Variants in SEMA3E observed in about 807,000 individuals in gnomAD.
SEMA3E encodes semaphorin 3E, also known as semaphorin-3E.
A neutral mutation model predicts 93.6 loss-of-function variants in SEMA3E; 49 were observed. The ratio of observed to expected loss-of-function variants is 0.52; its 90% CI spans 0.42 to 0.66. The LOEUF (loss-of-function observed/expected upper bound fraction) is 0.66, where lower values mean the gene tolerates loss of function less well. SEMA3E is among the 30% of genes least tolerant of loss of function. SEMA3E has a pLI of 0.00. For synonymous variants in SEMA3E, 363 were observed against 330.7 expected (o/e 1.10, Z -1.06); for missense variants, 906 against 964.8 (o/e 0.94, Z 0.81).
intron 1 of SEMA3E, among the ~76,000 whole-genome samples, chr7:83,585,362 GA>G (rs2115925273): frequency 6.6e-6 from 1 of 152,300 alleles, no homozygotes; most frequent in Non-Finnish European, 1.5e-5. Context: ...TACGTTCCAT[GA>G]AGAAGGGCCA....
At chr7:83,395,439 T>A (rs1019323897) in intron 12 of SEMA3E, among the ~76,000 whole-genome samples, 6 of 152,158 alleles carry the variant, frequency 3.9e-5, no homozygotes, top group Non-Finnish European at 8.8e-5. Context: ...ATTTGCAAAT[T>A]AGCCTACTTG....
intron 4 of SEMA3E, among the ~76,000 whole-genome samples, chr7:83,428,834 C>T (rs78097123): frequency 2.6e-4 from 40 of 152,206 alleles, no homozygotes; most frequent in Admixed American, 5.9e-4. Flanking sequence ...TTCATCCTCA[C>T]GGTAAACCTG....
intron 1 of SEMA3E, among the ~76,000 whole-genome samples, chr7:83,614,398 G>T (rs1397435355): frequency 6.6e-6 from 1 of 152,072 alleles, no homozygotes; most frequent in African/African-American, 2.4e-5. Flanking sequence ...AGAGAAAGTT[G>T]GCATGGCACA....
intron 4 of SEMA3E, among the ~76,000 whole-genome samples, chr7:83,464,145 C>T (rs376403150): frequency 1.4e-4 from 21 of 151,866 alleles, no homozygotes; most frequent in South Asian, 6.2e-4. Context: ...ATATCCCTTA[C>T]GGTCCTCCGT....
At chr7:83,591,413 A>G (rs1792755495) in intron 1 of SEMA3E, among the ~76,000 whole-genome samples, 1 of 151,766 alleles carries the variant, frequency 6.6e-6, no homozygotes, top group South Asian at 2.1e-4. Context: ...AAGTTTGAAT[A>G]AAAGGTAACA....
At chr7:83,566,769 C>A (rs1262951902) in intron 1 of SEMA3E, among the ~76,000 whole-genome samples, 1 of 152,052 alleles carries the variant, frequency 6.6e-6, no homozygotes, top group Non-Finnish European at 1.5e-5. Flanking sequence ...AAACCCACTG[C>A]CAGAGCAAAC....
At chr7:83,568,455 C>T (rs1004511652) in intron 1 of SEMA3E, among the ~76,000 whole-genome samples, 3 of 152,030 alleles carry the variant, frequency 2.0e-5, no homozygotes, top group African/African-American at 4.8e-5. Flanking sequence ...TCCTGATGAA[C>T]GTAGATACAA....
chr7:83,540,647 G>C (rs1357687938), intron 1 of SEMA3E, among the ~76,000 whole-genome samples: 1 of 152,118 alleles, frequency 6.6e-6, no homozygotes, highest in South Asian at 2.1e-4. Context: ...TTGATCCACA[G>C]ACTGTTTTCA....
chr7:83,578,906 G>A (rs1792462533), intron 1 of SEMA3E, among the ~76,000 whole-genome samples: 1 of 151,974 alleles, frequency 6.6e-6, no homozygotes, highest in Non-Finnish European at 1.5e-5. Context: ...AGCTTTGCAA[G>A]TCTTTGAATA....
chr7:83,604,072 A>C (rs1793053742), intron 1 of SEMA3E, among the ~76,000 whole-genome samples: 1 of 152,132 alleles, frequency 6.6e-6, no homozygotes, highest in Admixed American at 6.6e-5. Flanking sequence ...AATGAACTTG[A>C]CTATAACCAC....
Position 83,465,856 on chromosome 7 carries a change from A to G in SEMA3E, c.456+626T>C, listed in dbSNP as rs983209279. ...CTTACAGGAATAGGTTATATGACTG[A>G]TCTTTGAGCCTGCTTGCTAGTAAAT... On this transcript the variant is annotated intron_variant, in intron 4 of 16. Transcript: ENST00000643230. 1.7e-4 allele frequency among the ~76,000 whole-genome samples: 26 copies of G among 152,310 alleles called. No individual in the cohort carries two copies. In the Middle Eastern group the frequency reaches 0.014, roughly 80 times the overall value.
chr7:83,518,243 G>A (rs1009060214), intron 1 of SEMA3E, among the ~76,000 whole-genome samples: 1 of 152,004 alleles, frequency 6.6e-6, no homozygotes, highest in South Asian at 2.1e-4. Flanking sequence ...ATTGTCTGGG[G>A]AACACTAAGA....
intron 1 of SEMA3E, among the ~76,000 whole-genome samples, chr7:83,499,380 C>T (rs1475889528): frequency 1.3e-5 from 2 of 152,064 alleles, no homozygotes; most frequent in Non-Finnish European, 2.9e-5. Context: ...CCTCATAAAC[C>T]ATATGTAATT....
chr7:83,548,883 T>G (rs1357699346), intron 1 of SEMA3E, among the ~76,000 whole-genome samples: 3 of 152,056 alleles, frequency 2.0e-5, no homozygotes, highest in Non-Finnish European at 4.4e-5. Context: ...ACAAATTCTA[T>G]TCCTCCCTCT....
At chr7:83,497,920 T>C (rs775524769) in intron 1 of SEMA3E, among the ~76,000 whole-genome samples, 2 of 152,158 alleles carry the variant, frequency 1.3e-5, no homozygotes, top group East Asian at 1.9e-4. Context: ...AAGAAAATAA[T>C]ATAATTTATA....
intron 1 of SEMA3E, among the ~76,000 whole-genome samples, chr7:83,628,919 T>C (rs1793728900): frequency 6.6e-6 from 1 of 152,142 alleles, no homozygotes; most frequent in Non-Finnish European, 1.5e-5. Context: ...CATCCTCATG[T>C]GTTTGTCTAC....
At position 83,385,402 on chromosome 7, in the gene SEMA3E, C is replaced by G. The variant is rs1244853245; in HGVS notation, c.1767G>C (p.Leu589=). 3 of 1,613,340 alleles carry G rather than the reference C, an allele frequency of 1.9e-6. No homozygotes were observed. The highest frequency in any genetic ancestry group is 2.5e-6 in the Non-Finnish European group (3 of 1,179,608). The change falls in exon 16 of 17, where the codon CTG becomes CTC. Residue 589 remains leucine, a synonymous_variant. Transcript: ENST00000643230. ...TACTGTTGTTCTCTATGCCATAAGC[C>G]AGATGTTCTTCAGTCTTATCCAAAG... ...GDALDKTEEH[L]AYGIENNSTL...
chr7:83,510,305 T>C (rs1053112608), intron 1 of SEMA3E, among the ~76,000 whole-genome samples: 5 of 152,186 alleles, frequency 3.3e-5, no homozygotes, highest in African/African-American at 9.6e-5. Context: ...GAATAAAAAT[T>C]CAGCTCTGAT....
rs1562866057 is a variant in SEMA3E at position 83,639,136 on chromosome 7, A to AAAAAAAAAAC, written c.115+9291_115+9292insGTTTTTTTTT. On this transcript the variant is annotated intron_variant, in intron 1 of 16. Transcript: ENST00000643230. ...AAAAAAAAAAAAAAAAAAAAAAAAAAAAAACAGAGATTCCTGAGCCTCAGA... is the reference window on the plus strand; with the variant it reads ...AAAAAAAAAAAAAAAAAAAAAAAAAAAAAAAAAAACAAAACAGAGATTCCTGAGCCTCAGA... Among the ~76,000 whole-genome samples, 16 of 132,066 alleles carry AAAAAAAAAAC rather than the reference A, an allele frequency of 1.2e-4. 1 individual carries two copies. The highest frequency in any genetic ancestry group is 4.5e-4 in the African/African-American group (16 of 35,782). The allele number at this position is 132,066 out of a possible 152,430, so 86.6% of individuals were successfully genotyped here.
Sources: allele counts gnomAD v4.1 joint callset (sites outside exome capture counted in the v4.1 genomes callset), GRCh38; gene constraint gnomAD v4.1.1; transcripts MANE v1.5; gene names NCBI Gene and HGNC (gene_info 2026-07-23, HGNC 2026-07-21).